CORIN: variants seen among roughly 807,000 people sequenced by gnomAD.
CORIN encodes atrial natriuretic peptide-converting enzyme.
A neutral mutation model predicts 125.3 loss-of-function variants in CORIN; 117 were observed. The observed-to-expected ratio is 0.93, with a 90% CI of 0.80 to 1.09. CORIN has a LOEUF of 1.09. Ranked by LOEUF, CORIN falls within the 50% of genes least tolerant of loss-of-function variation. The pLI, the probability that CORIN is intolerant of heterozygous loss-of-function variation, is 0.00. For missense variants in CORIN, 1,253 were observed against 1,306.7 expected (o/e 0.96, Z 0.63); for synonymous variants, 450 against 466.4 (o/e 0.96, Z 0.45).
At chr4:47,703,397 T>C (rs1421489374) in intron 5 of CORIN, among the ~76,000 whole-genome samples, 1 of 152,148 alleles carries the variant, frequency 6.6e-6, no homozygotes. Context: ...AAAAAGTTAA[T>C]GGTGAGGAAA....
chr4:47,639,538 T>A (rs1324118496), intron 16 of CORIN, among the ~76,000 whole-genome samples: 1 of 152,206 alleles, frequency 6.6e-6, no homozygotes, highest in Non-Finnish European at 1.5e-5. Flanking sequence ...AACTTCAAGT[T>A]TTTGATGCAG....
intron 19 of CORIN, among the ~76,000 whole-genome samples, chr4:47,622,927 C>T (rs555569567): frequency 2.0e-5 from 3 of 152,126 alleles, no homozygotes; most frequent in South Asian, 2.1e-4. Context: ...CACTCTTCCT[C>T]GGAGCCAATC....
intron 5 of CORIN, among the ~76,000 whole-genome samples, chr4:47,705,609 A>G (rs1726514736): frequency 6.6e-6 from 1 of 152,214 alleles, no homozygotes; most frequent in African/African-American, 2.4e-5. Flanking sequence ...TAGGGGGAGG[A>G]GACAGATTGA....
At chr4:47,625,424 A>G (rs9283674) in intron 17 of CORIN, among the ~76,000 whole-genome samples, 40,764 of 151,700 alleles carry the variant, frequency 0.27, 5,626 homozygotes, top group Admixed American at 0.35. Flanking sequence ...TCTAGAATGC[A>G]TTATTTATTT....
At chr4:47,627,226 G>C (rs772909206) in intron 16 of CORIN, among the ~76,000 whole-genome samples, 1 of 152,030 alleles carries the variant, frequency 6.6e-6, no homozygotes, top group East Asian at 1.9e-4. Flanking sequence ...CAAGTGGTCT[G>C]CCCACCTCAG....
intron 3 of CORIN, among the ~76,000 whole-genome samples, chr4:47,773,872 C>A (rs538713807): frequency 1.0e-3 from 154 of 151,224 alleles, no homozygotes; most frequent in Admixed American, 2.0e-3. Context: ...GTATATTTAT[C>A]TTTTATATTT....
At chr4:47,666,898 T>C (rs1724508138) in intron 10 of CORIN, among the ~76,000 whole-genome samples, 1 of 152,168 alleles carries the variant, frequency 6.6e-6, no homozygotes, top group Non-Finnish European at 1.5e-5. Context: ...GACAGACATA[T>C]TGAACAAAAT....
chr4:47,712,002 G>A (rs2109778990), intron 5 of CORIN, among the ~76,000 whole-genome samples: 1 of 152,356 alleles, frequency 6.6e-6, no homozygotes, highest in East Asian at 1.9e-4. Flanking sequence ...TAACCAATTT[G>A]TAAATATAAC....
intron 17 of CORIN, among the ~76,000 whole-genome samples, chr4:47,624,730 T>C (rs934311973): frequency 1.3e-5 from 2 of 152,112 alleles, no homozygotes; most frequent in African/African-American, 4.8e-5. Flanking sequence ...ATAATTCAGT[T>C]TGGGGTAGAA....
At chr4:47,643,725 A>T (rs1309961773) in intron 14 of CORIN, among the ~76,000 whole-genome samples, 1 of 152,150 alleles carries the variant, frequency 6.6e-6, no homozygotes, top group Non-Finnish European at 1.5e-5. Flanking sequence ...TTTAAAAATT[A>T]TAGTAAATCT....
At chr4:47,796,202 G>A (rs1432771983) in intron 2 of CORIN, among the ~76,000 whole-genome samples, 1 of 152,016 alleles carries the variant, frequency 6.6e-6, no homozygotes, top group East Asian at 1.9e-4. Context: ...AGACATGGAA[G>A]CAGCCTAAAT....
At chr4:47,718,664 C>A (rs1185092628) in intron 5 of CORIN, among the ~76,000 whole-genome samples, 1 of 152,206 alleles carries the variant, frequency 6.6e-6, no homozygotes, top group Non-Finnish European at 1.5e-5. Flanking sequence ...CTATCAAATA[C>A]AATGAATCCC....
At chr4:47,611,803 A>T (rs1721881285) in intron 19 of CORIN, among the ~76,000 whole-genome samples, 1 of 152,202 alleles carries the variant, frequency 6.6e-6, no homozygotes, top group Non-Finnish European at 1.5e-5. Flanking sequence ...TTTAATATGA[A>T]GGGATGTTGA....
intron 5 of CORIN, among the ~76,000 whole-genome samples, chr4:47,719,358 T>C (rs541736131): frequency 6.6e-6 from 1 of 152,244 alleles, no homozygotes; most frequent in South Asian, 2.1e-4. Context: ...CCCCAGCACA[T>C]AGCAGGCTCT....
chr4:47,760,006 T>C (rs1239217336), intron 4 of CORIN, among the ~76,000 whole-genome samples: 1 of 152,254 alleles, frequency 6.6e-6, no homozygotes, highest in Admixed American at 6.5e-5. Context: ...CCTCCTGTCA[T>C]GAATCACAAG....
At chr4:47,776,322 G>A (rs1730297468) in intron 3 of CORIN, among the ~76,000 whole-genome samples, 1 of 151,896 alleles carries the variant, frequency 6.6e-6, no homozygotes, top group Admixed American at 6.6e-5. Flanking sequence ...GTCTCACTCT[G>A]TTGCCCAGAC....
At chr4:47,616,015 G>A (rs756320598) in intron 19 of CORIN, among the ~76,000 whole-genome samples, 6 of 152,160 alleles carry the variant, frequency 3.9e-5, no homozygotes, top group Non-Finnish European at 7.4e-5. Context: ...TTACTGAGAT[G>A]GGGGAAGTTT....
intron 19 of CORIN, among the ~76,000 whole-genome samples, chr4:47,612,548 G>C (rs1721911470): frequency 1.3e-5 from 2 of 152,186 alleles, no homozygotes; most frequent in Non-Finnish European, 2.9e-5. Flanking sequence ...CACCGACTGT[G>C]AGATGTAAAC....
chr4:47,754,328 T>C (rs1729038364), intron 4 of CORIN, among the ~76,000 whole-genome samples: 1 of 152,172 alleles, frequency 6.6e-6, no homozygotes, highest in African/African-American at 2.4e-5. Flanking sequence ...ACCAGCTGCC[T>C]AAACAGCCAG....
Sources: allele counts gnomAD v4.1 joint callset (sites outside exome capture counted in the v4.1 genomes callset), GRCh38; gene constraint gnomAD v4.1.1; transcripts MANE v1.5; gene names NCBI Gene and HGNC (gene_info 2026-07-23, HGNC 2026-07-21).